The following GALNT13 variants were observed in gnomAD, a reference collection of about 807,000 sequenced individuals.
GALNT13 encodes UDP-GalNAc:polypeptide N-acetylgalactosaminyltransferase 13.
A neutral mutation model predicts 64.2 loss-of-function variants in GALNT13; 28 were observed. The observed-to-expected ratio is 0.44, with a 90% CI of 0.32 to 0.60. The LOEUF (loss-of-function observed/expected upper bound fraction) is 0.60. Ranked by LOEUF, GALNT13 falls within the 20% of genes least tolerant of loss-of-function variation. The pLI is 0.05. For synonymous variants in GALNT13, 214 were observed against 224.6 expected (o/e 0.95, Z 0.42); for missense variants, 577 against 669.8 (o/e 0.86, Z 1.53).
chr2:153,506,617 C>G, the GALNT13 span, among the ~76,000 whole-genome samples: 1 of 150,720 alleles, frequency 6.6e-6, no homozygotes, highest in Admixed American at 6.6e-5. Context: ...TTGCTGGATA[C>G]AAAATTCTTG....
the GALNT13 span, chr2:153,478,584 C>T: frequency 2.0e-6 from 3 of 1,531,096 alleles, no homozygotes; most frequent in East Asian, 2.3e-5. Flanking sequence ...CGGGCGGGCG[C>T]CGCGAGCGGC....
the GALNT13 span, among the ~76,000 whole-genome samples, chr2:153,610,338 A>T: frequency 1.4e-4 from 21 of 152,256 alleles, no homozygotes; most frequent in African/African-American, 4.6e-4. Context: ...TGAAGGAAAC[A>T]TTTCAGTATT....
At chr2:153,261,998 C>A in the GALNT13 span, among the ~76,000 whole-genome samples, 1 of 152,270 alleles carries the variant, frequency 6.6e-6, no homozygotes, top group African/African-American at 2.4e-5. Flanking sequence ...AAAAATGCCA[C>A]CCAAGAGTCA....
chr2:154,215,993 A>G (rs947439240), intron 4 of GALNT13, among the ~76,000 whole-genome samples: 2 of 151,838 alleles, frequency 1.3e-5, no homozygotes, highest in African/African-American at 4.8e-5. Flanking sequence ...AAAAGATTAT[A>G]TTTTAGAAAT....
chr2:153,355,935 A>AAGAATT, the GALNT13 span, among the ~76,000 whole-genome samples: 1 of 152,194 alleles, frequency 6.6e-6, no homozygotes, highest in Non-Finnish European at 1.5e-5. Context: ...GAGAATGTAA[A>AAGAATT]AGAATTAGAA....
At chr2:153,833,526 G>A in the GALNT13 span, among the ~76,000 whole-genome samples, 1 of 152,026 alleles carries the variant, frequency 6.6e-6, no homozygotes, top group East Asian at 1.9e-4. Flanking sequence ...ACAGTATAAT[G>A]TTTTAATTGT....
chr2:153,335,314 C>T, the GALNT13 span, among the ~76,000 whole-genome samples: 1 of 152,148 alleles, frequency 6.6e-6, no homozygotes, highest in Non-Finnish European at 1.5e-5. Context: ...GAGATTGGAA[C>T]AGTTTGAAGA....
the GALNT13 span, among the ~76,000 whole-genome samples, chr2:153,724,419 C>T: frequency 8.5e-6 from 1 of 117,838 alleles, no homozygotes; most frequent in Non-Finnish European, 1.6e-5. Context: ...TCCAAAACAC[C>T]AAAAGCAATG....
chr2:153,993,880 C>T (rs779195630), intron 3 of GALNT13, among the ~76,000 whole-genome samples: 2 of 151,938 alleles, frequency 1.3e-5, no homozygotes, highest in Non-Finnish European at 2.9e-5. Context: ...TTTGAATTAA[C>T]TCTTGTATAT....
At chr2:153,677,967 C>G in the GALNT13 span, among the ~76,000 whole-genome samples, 1 of 151,710 alleles carries the variant, frequency 6.6e-6, no homozygotes, top group Non-Finnish European at 1.5e-5. Context: ...GGACATAGGT[C>G]CCAGCAAAGA....
intron 4 of GALNT13, among the ~76,000 whole-genome samples, chr2:154,142,822 A>G (rs1047490338): frequency 2.7e-5 from 4 of 150,388 alleles, no homozygotes; most frequent in Middle Eastern, 3.2e-3. Flanking sequence ...TCCTGTGCAT[A>G]TGTGTGTGTG....
At chr2:153,555,774 T>C in the GALNT13 span, among the ~76,000 whole-genome samples, 1 of 152,202 alleles carries the variant, frequency 6.6e-6, no homozygotes, top group Non-Finnish European at 1.5e-5. Flanking sequence ...TGAATGATTG[T>C]TTGTAAGATC....
At chr2:153,480,267 T>C in the GALNT13 span, among the ~76,000 whole-genome samples, 1 of 152,236 alleles carries the variant, frequency 6.6e-6, no homozygotes, top group Admixed American at 6.5e-5. Context: ...TAAAACATCA[T>C]TTATTCCATC....
At chr2:153,333,071 G>A in the GALNT13 span, among the ~76,000 whole-genome samples, 5 of 152,340 alleles carry the variant, frequency 3.3e-5, no homozygotes, top group East Asian at 9.7e-4. Flanking sequence ...CTGCTCCAGA[G>A]CTGGTGCTCC....
the GALNT13 span, among the ~76,000 whole-genome samples, chr2:153,253,267 T>A: frequency 1.3e-5 from 2 of 148,986 alleles, no homozygotes; most frequent in Non-Finnish European, 3.0e-5. Context: ...TGGCTCTCTG[T>A]TTGTCTGTTG....
the GALNT13 span, among the ~76,000 whole-genome samples, chr2:153,326,784 C>G: frequency 6.6e-6 from 1 of 152,148 alleles, no homozygotes; most frequent in Non-Finnish European, 1.5e-5. Context: ...GTTGAAAATT[C>G]TTTTCTTTAA....
the GALNT13 span, among the ~76,000 whole-genome samples, chr2:153,570,783 T>C: frequency 0.031 from 4,724 of 152,222 alleles, 137 homozygotes; most frequent in East Asian, 0.16. Context: ...GTGGATTTGT[T>C]TCTGGGTTCT....
the GALNT13 span, among the ~76,000 whole-genome samples, chr2:153,276,120 A>G: frequency 6.6e-6 from 1 of 152,088 alleles, no homozygotes; most frequent in Non-Finnish European, 1.5e-5. Flanking sequence ...TTTGCATGAG[A>G]CTGCTTTTCT....
intron 12 of GALNT13, among the ~76,000 whole-genome samples, chr2:154,448,754 A>G (rs1051314320): frequency 1.2e-4 from 18 of 152,066 alleles, no homozygotes; most frequent in African/African-American, 4.3e-4. Flanking sequence ...GGTAACTGAT[A>G]ATTGATCAAA....
Sources: gnomAD v4.1 joint callset for allele counts (sites outside exome capture counted in the v4.1 genomes callset) on GRCh38, gnomAD v4.1.1 for gene constraint, MANE v1.5 for transcripts, NCBI Gene and HGNC (gene_info 2026-07-23, HGNC 2026-07-21) for gene names.